SAV1: variants seen among roughly 807,000 people sequenced by gnomAD.
SAV1 encodes the protein protein salvador homolog 1.
A neutral mutation model predicts 47.3 loss-of-function variants in SAV1; 23 were observed. The ratio of observed to expected loss-of-function variants is 0.49; its 90% CI spans 0.35 to 0.69. The LOEUF is 0.69. Among genes scored for constraint, SAV1 ranks in the 30% least tolerant of loss-of-function variants. The pLI, the probability that SAV1 is intolerant of heterozygous loss-of-function variation, is 0.01. For missense variants in SAV1, 448 were observed against 457.4 expected (o/e 0.98, Z 0.19); for synonymous variants, 155 against 159.2 (o/e 0.97, Z 0.20).
chr14:50,650,767 A>G (rs2039761340), intron 2 of SAV1, among the ~76,000 whole-genome samples: 1 of 152,332 alleles, frequency 6.6e-6, no homozygotes, highest in Non-Finnish European at 1.5e-5. Context: ...CACACCTGTA[A>G]TCCCAGCACT....
intron 2 of SAV1, among the ~76,000 whole-genome samples, chr14:50,662,092 G>A (rs1402624665): frequency 6.6e-6 from 1 of 152,184 alleles, no homozygotes; most frequent in African/African-American, 2.4e-5. Flanking sequence ...TCTGACCCAT[G>A]AGCATGGGAT....
intron 3 of SAV1, 116 bp from the exon 4 acceptor site, chr14:50,641,009 T>C: frequency 1.1e-6 from 1 of 889,834 alleles, no homozygotes; most frequent in South Asian, 2.2e-5. Flanking sequence ...CAAACTGACT[T>C]ACACCACCTG....
chr14:50,666,997 A>G (rs1358073346), intron 1 of SAV1, among the ~76,000 whole-genome samples: 1 of 152,170 alleles, frequency 6.6e-6, no homozygotes, highest in African/African-American at 2.4e-5. Context: ...CTTAAGTCAC[A>G]AGGTTACTAC....
At chr14:50,659,326 A>G (rs1405124803) in intron 2 of SAV1, among the ~76,000 whole-genome samples, 1 of 152,204 alleles carries the variant, frequency 6.6e-6, no homozygotes, top group African/African-American at 2.4e-5. Flanking sequence ...CTATGGGTGT[A>G]GCTTGCTGAC....
At chr14:50,655,428 C>T (rs1566745395) in intron 2 of SAV1, among the ~76,000 whole-genome samples, 1 of 77,350 alleles carries the variant, frequency 1.3e-5, no homozygotes, top group Non-Finnish European at 2.2e-5. Flanking sequence ...ACAAAAGCTG[C>T]CTTTTTTTTT....
chr14:50,651,058 A>G (rs570591150), intron 2 of SAV1, among the ~76,000 whole-genome samples: 1 of 7,666 alleles, frequency 1.3e-4, no homozygotes, highest in African/African-American at 6.2e-4. Context: ...TGGATCTTTC[A>G]GCCAGAGCGA....
intron 2 of SAV1, chr14:50,664,190 T>TAGACAAATAAGGTACC (rs1428059725): frequency 1.3e-5 from 2 of 152,288 alleles, no homozygotes; most frequent in Non-Finnish European, 2.9e-5. Context: ...AATAAGGTAC[T>TAGACAAATAAGGTACC]AGACAAATAA....
chr14:50,647,507 C>T (rs535097961), intron 2 of SAV1, among the ~76,000 whole-genome samples: 1 of 152,160 alleles, frequency 6.6e-6, no homozygotes, highest in South Asian at 2.1e-4. Context: ...AGCACACTAT[C>T]ATCATGCCTG....
chr14:50,661,824 T>A (rs2039862640), intron 2 of SAV1, among the ~76,000 whole-genome samples: 1 of 152,232 alleles, frequency 6.6e-6, no homozygotes, highest in Non-Finnish European at 1.5e-5. Flanking sequence ...CATATTATTG[T>A]GGTTACTATA....
chr14:50,662,824 C>G (rs1337270466), intron 2 of SAV1: 4 of 152,184 alleles, frequency 2.6e-5, no homozygotes, highest in Non-Finnish European at 5.9e-5. Context: ...GTAAACATAG[C>G]TATTTCTGTT....
intron 2 of SAV1, among the ~76,000 whole-genome samples, chr14:50,659,073 ATTTT>A (rs33946852): frequency 2.1e-4 from 27 of 131,114 alleles, no homozygotes; most frequent in Admixed American, 3.0e-4. Flanking sequence ...GCTGTAAAGA[ATTTT>A]TTTTTTTTTT....
chr14:50,642,375 G>A (rs1429928006), intron 3 of SAV1, among the ~76,000 whole-genome samples: 1 of 151,882 alleles, frequency 6.6e-6, no homozygotes, highest in Non-Finnish European at 1.5e-5. Context: ...TGTAATCCCA[G>A]CTACTTGGAA....
intron 2 of SAV1, among the ~76,000 whole-genome samples, chr14:50,657,065 C>T (rs1052163344): frequency 2.3e-4 from 33 of 141,396 alleles, no homozygotes; most frequent in Admixed American, 1.5e-4. Context: ...CTCACGCTGT[C>T]GCCCATGCTG....
chr14:50,657,809 T>C (rs11621971), intron 2 of SAV1, among the ~76,000 whole-genome samples: 68,938 of 152,072 alleles, frequency 0.45, 17,366 homozygotes, highest in East Asian at 0.73. Flanking sequence ...ACTAAACATA[T>C]GACTTAGTCG....
intron 2 of SAV1, among the ~76,000 whole-genome samples, chr14:50,650,246 A>C (rs1305414775): frequency 6.6e-6 from 1 of 152,248 alleles, no homozygotes; most frequent in East Asian, 1.9e-4. Context: ...TAGTTGCAAA[A>C]GGCTAGAAAT....
At chr14:50,665,681 T>C (rs1474771817) in intron 1 of SAV1, 62 bp from the exon 2 acceptor site, 8 of 1,416,676 alleles carry the variant, frequency 5.6e-6, no homozygotes, top group Non-Finnish European at 6.6e-6. Context: ...TTTTCGAAAT[T>C]TGTTCATTTA....
intron 2 of SAV1, 87 bp from the exon 3 acceptor site, chr14:50,645,101 C>G (rs2039710959): frequency 1.8e-6 from 2 of 1,139,978 alleles, no homozygotes; most frequent in East Asian, 5.0e-5. Flanking sequence ...ACAACATTAA[C>G]TATCCTGATT....
chr14:50,653,399 G>A (rs181435030), intron 2 of SAV1, among the ~76,000 whole-genome samples: 8 of 152,132 alleles, frequency 5.3e-5, no homozygotes, highest in Admixed American at 5.2e-4. Context: ...AATTGATAAA[G>A]TCCTTAATTA....
chr14:50,647,606 T>TA (rs1279207161), intron 2 of SAV1, among the ~76,000 whole-genome samples: 1 of 151,190 alleles, frequency 6.6e-6, no homozygotes, highest in Non-Finnish European at 1.5e-5. Context: ...ACGACCCAGT[T>TA]AAAAAAAAGG....
Sources: allele counts gnomAD v4.1 joint callset (sites outside exome capture counted in the v4.1 genomes callset), GRCh38; gene constraint gnomAD v4.1.1; transcripts MANE v1.5; gene names NCBI Gene and HGNC (gene_info 2026-07-23, HGNC 2026-07-21).